Variants in ILK observed in about 807,000 individuals in gnomAD.
ILK encodes the protein integrin linked kinase, also known as scaffold protein ILK.
Under a neutral mutation model 57.8 loss-of-function variants are expected in ILK, and 37 were observed. The observed-to-expected ratio is 0.64, with a 90% CI of 0.49 to 0.84. ILK has a LOEUF of 0.84. Among genes scored for constraint, ILK ranks in the 40% least tolerant of loss-of-function variants. The probability of loss-of-function intolerance (pLI) is 0.00; values close to 1 mark genes in which losing one functional copy is unlikely to be tolerated. For synonymous variants in ILK, 231 were observed against 202.2 expected (o/e 1.14, Z -1.21); for missense variants, 528 against 595.7 (o/e 0.89, Z 1.18).
chr11:6,609,838 G>A lies in ILK; in HGVS notation c.971G>A (p.Ser324Asn). The A allele has an allele frequency of 6.2e-7, 1 of 1,614,250 alleles. No individual in the cohort carries two copies. Among genetic ancestry groups the A allele is most frequent in the Non-Finnish European group, 8.5e-7 (1 of 1,180,028 alleles). The change falls in exon 10 of 13, where the codon AGT becomes AAT. Residue 324 changes from serine (S) to asparagine (N), a missense_variant. By Grantham distance (46) the Ser-to-Asn change is conservative. Transcript: ENST00000299421. ...CCACGACATGCACTCAATAGCCGTAGTGTAATGGTGAGGCCACAAGCTCAC... is the reference window on the plus strand; with the variant it reads ...CCACGACATGCACTCAATAGCCGTAATGTAATGGTGAGGCCACAAGCTCAC... ...LIPRHALNSR[S>N]VMIDEDMTAR... is the part of the protein sequence containing the mutation.
rs1855172518 is a variant in ILK at position 6,608,568 on chromosome 11, C to T, written c.351+79C>T. On this transcript the variant is annotated intron_variant, in intron 4 of 12. Coordinates refer to ENST00000299421, the MANE Select transcript of ILK (RefSeq NM_004517.4). This position sits in a 1 kb window ranked among gnomAD's most constrained non-coding sequence, Gnocchi z 4.9. ...TGGTGGGAGATTTTGGAACCCTCAA[C>T]CCATTCTGTCAGTACTACTGTGTGA... 7.3e-7 allele frequency: 1 copy of T among 1,377,334 alleles called. No individual in the cohort carries two copies. The highest frequency in any genetic ancestry group is 1.7e-5 in the Admixed American group (1 of 59,736). The allele number at this position is 1,377,334 out of a possible 1,614,324, so 85.3% of individuals were successfully genotyped here.
rs1554898398 is a variant in ILK at position 6,608,178 on chromosome 11, A to T, written c.222A>T (p.Ala74=). The T allele has an allele frequency of 1.2e-6, 2 of 1,614,210 alleles. No homozygotes were observed. Among genetic ancestry groups the T allele is most frequent in the Non-Finnish European group, 1.7e-6 (2 of 1,180,040 alleles). The part of the protein sequence containing the change: ...NRGDDTPLHL[A]ASHGHRDIVQ... Reference sequence around the variant, plus strand: ...GGGATGACACCCCCCTGCATCTGGCAGCCAGTCATGGACACCGTGATATTG... The same window carrying T: ...GGGATGACACCCCCCTGCATCTGGCTGCCAGTCATGGACACCGTGATATTG... The change falls in exon 3 of 13, where the codon GCA becomes GCT. Residue 74 remains alanine (A), a synonymous_variant. Coordinates refer to ENST00000299421, the MANE Select transcript of ILK (RefSeq NM_004517.4). This position sits in a 1 kb window ranked among gnomAD's most constrained non-coding sequence, Gnocchi z 4.9.
chr11:6,608,161 A>T lies in ILK; in HGVS notation c.205A>T (p.Thr69Ser), dbSNP rs773109315. 2 of 1,613,560 alleles carry T rather than the reference A, an allele frequency of 1.2e-6. No homozygotes were observed. Among genetic ancestry groups the T allele is most frequent in the Admixed American group, 1.7e-5 (1 of 59,962 alleles). Residue 69 changes from threonine (T) to serine (S), a missense_variant, in exon 3 of 13, where the codon ACC (threonine) becomes TCC (serine). Transcript: ENST00000299421. This position sits in a 1 kb window ranked among gnomAD's most constrained non-coding sequence, Gnocchi z 4.9. Reference protein sequence around the residue: ...RINVMNRGDDTPLHLAASHGH... With the variant: ...RINVMNRGDDSPLHLAASHGH... ...CAATGTAATGAACCGTGGGGATGAC[A>T]CCCCCCTGCATCTGGCAGCCAGTCA...
At chr11:6,607,777 G>C in intron 2 of ILK, 1 of 493,534 alleles carries the variant, frequency 2.0e-6, no homozygotes, top group South Asian at 2.1e-5. Flanking sequence ...CAGGGGAAGA[G>C]CACTACCACC....
At chr11:6,605,312 TGGAAGGCAAGAGGTC>T (rs1465035159) in intron 2 of ILK, among the ~76,000 whole-genome samples, 1 of 150,958 alleles carries the variant, frequency 6.6e-6, no homozygotes, top group Non-Finnish European at 1.5e-5. Context: ...CTCAGGAGAG[TGGAAGGCAAGAGGTC>T]AGGGGACAGG....
chr11:6,607,961 G>C, intron 2 of ILK, 85 bp from the exon 3 acceptor site: 1 of 1,385,480 alleles, frequency 7.2e-7, no homozygotes. Context: ...CCTTCCCAGA[G>C]AGTATGTAAT....
chr11:6,604,684 T>G, intron 2 of ILK: 2 of 493,980 alleles, frequency 4.0e-6, no homozygotes, highest in East Asian at 4.1e-5. Flanking sequence ...AGATGATCTC[T>G]GTGGGTCGGA....
rs1855204217 is a variant in ILK, at chr11:6,608,867, T to C, written c.449-17T>C. ...TTCTCCCTCTGTACCACAGCTTAGG[T>C]TGTTTTTCTTCCCTAGAGCGGGCAG... On this transcript the variant is annotated splice_polypyrimidine_tract_variant and intron_variant, in intron 5 of 12. Transcript: ENST00000299421. This position sits in a 1 kb window ranked among gnomAD's most constrained non-coding sequence, Gnocchi z 4.9. 1 of 1,613,768 alleles carries C rather than the reference T, an allele frequency of 6.2e-7. No homozygotes were observed. Among genetic ancestry groups the C allele is most frequent in the African/African-American group, 1.3e-5 (1 of 74,916 alleles).
At position 6,609,950 on chromosome 11, in the gene ILK, G is replaced by C. The variant is rs369264218; in HGVS notation, c.993G>C (p.Met331Ile). ...NSRSVMIDED[M>I]TARISMADVK... is the part of the protein sequence containing the mutation. The stretch of plus-strand genomic sequence containing the variant: ...CTCTTCCTCAGATTGATGAGGACAT[G>C]ACTGCCCGAATTAGCATGGCTGATG... Residue 331 changes from methionine (M) to isoleucine (I), a missense_variant, in exon 11 of 13, where the codon ATG (methionine) becomes ATC (isoleucine). Met to Ile is a conservative substitution (Grantham distance 10). Transcript: ENST00000299421. 4 of 1,614,032 alleles carry C rather than the reference G, an allele frequency of 2.5e-6. No individual in the cohort carries two copies. The African/African-American group carries it at 5.3e-5, about 22-fold the overall frequency.
chr11:6,606,297 C>T (rs1854903145), intron 2 of ILK: 1 of 152,196 alleles, frequency 6.6e-6, no homozygotes, highest in Non-Finnish European at 1.5e-5. Context: ...CTCAGAGTGG[C>T]AAAATCAAAT....
At chr11:6,606,565 TCTAG>T (rs68155159) in intron 2 of ILK, 35,199 of 151,668 alleles carry the variant, frequency 0.23, 4,256 homozygotes, top group Non-Finnish European at 0.26. Flanking sequence ...CTAGGAAGAC[TCTAG>T]CTGAGTCTAG....
chr11:6,604,909 T>C (rs1185106708), intron 2 of ILK: 2 of 456,324 alleles, frequency 4.4e-6, no homozygotes, highest in Admixed American at 4.7e-5. Flanking sequence ...GCCTAGTTCA[T>C]CGTAGAAGTA....
In ILK at chr11:6,609,596, G is replaced by A. The variant is rs1164312453; in HGVS notation, c.813G>A (p.Trp271Ter). ...CTCATCCTACTCTCATCACACACTG[G>A]ATGCCGTATGGATCCCTCTACAATG... ...PAPHPTLITHWMPYGSLYNVL... is the reference protein window; with the variant it reads ...PAPHPTLITH The change falls in exon 9 of 13, where the codon TGG (tryptophan) becomes TGA (stop). Residue 271 changes from tryptophan to a stop codon, truncating the protein, a stop_gained. Transcript: ENST00000299421. LOFTEE classifies it high-confidence loss of function. 6.2e-7 allele frequency: 1 copy of A among 1,614,164 alleles called. No individual in the cohort carries two copies. Among genetic ancestry groups the A allele is most frequent in the Non-Finnish European group, 8.5e-7 (1 of 1,180,018 alleles).
Position 6,608,814 on chromosome 11 carries a change from T to G in ILK, c.448+24T>G, listed in dbSNP as rs1855198392. 6.2e-7 allele frequency: 1 copy of G among 1,612,786 alleles called. No individual in the cohort carries two copies. The highest frequency in any genetic ancestry group is 8.5e-7 in the Non-Finnish European group (1 of 1,178,876). The stretch of plus-strand genomic sequence containing the variant: ...AGGTCCATCTCCCCATCCCCTAGCT[T>G]GTGTCCTCTCGTCCCTTCCCACCTG... On this transcript the variant is annotated intron_variant, in intron 5 of 12. Transcript: ENST00000299421. The surrounding 1 kb of genome is among the most constrained non-coding windows in gnomAD (Gnocchi z 4.9).
chr11:6,610,629 CTGA>C lies in ILK; in HGVS notation c.*19_*21del. Reference sequence around the variant, plus strand: ...ACAAGTAGGACTGGAAGGTCCTTGCCTGAACTCCAGAGGTGTCGGGACATGGTT... The same window carrying C: ...ACAAGTAGGACTGGAAGGTCCTTGCCACTCCAGAGGTGTCGGGACATGGTT... On this transcript the variant is annotated 3_prime_UTR_variant, in exon 13 of 13. Transcript: ENST00000299421. 1 of 1,614,078 alleles carries C rather than the reference CTGA, an allele frequency of 6.2e-7. No individual in the cohort carries two copies. The highest frequency in any genetic ancestry group is 8.5e-7 in the Non-Finnish European group (1 of 1,179,962).
chr11:6,607,908 G>A, intron 2 of ILK, 138 bp from the exon 3 acceptor site: 1 of 849,062 alleles, frequency 1.2e-6, no homozygotes. Flanking sequence ...ACAGCTTTGG[G>A]AGTTGCTGGC....
At chr11:6,604,571 G>T in intron 2 of ILK, 1 of 641,716 alleles carries the variant, frequency 1.6e-6, no homozygotes, top group Non-Finnish European at 2.8e-6. Context: ...AGAGGCTACA[G>T]AGAGCTTTCC....
chr11:6,609,888 T>A, intron 10 of ILK, 43 bp downstream of exon 10: 1 of 1,614,188 alleles, frequency 6.2e-7, no homozygotes, highest in South Asian at 1.1e-5. Context: ...CCAAAAGCCC[T>A]TTGCCTATCT....
Position 6,609,108 on chromosome 11 carries a change from C to A in ILK, c.570C>A (p.Phe190Leu). Residue 190 changes from phenylalanine to leucine, a missense_variant, in exon 7 of 13, where the codon TTC becomes TTA. Transcript: ENST00000299421. ...TGAACAAACACTCTGGCATTGACTT[C>A]AAACAGCTTAACTTCCTGACGAAGC... ...GTLNKHSGID[F>L]KQLNFLTKLN... is the part of the protein sequence containing the mutation. The A allele has an allele frequency of 6.2e-7, 1 of 1,614,202 alleles. No homozygotes were observed. Among genetic ancestry groups the A allele is most frequent in the Non-Finnish European group, 8.5e-7 (1 of 1,180,032 alleles).
Sources: allele counts gnomAD v4.1 joint callset (sites outside exome capture counted in the v4.1 genomes callset), GRCh38; gene constraint gnomAD v4.1.1; non-coding constraint Gnocchi (gnomAD v3.1); transcripts MANE v1.5; gene names NCBI Gene and HGNC (gene_info 2026-07-23, HGNC 2026-07-21).